Variants in ZNF718 observed in about 807,000 individuals in gnomAD.
ZNF718 encodes the protein zinc finger protein 718.
ZNF718 carries 3 observed loss-of-function variants against 2.6 expected under a neutral mutation model. That is an observed-to-expected ratio of 1.16 (90% CI 0.53 to 3.01). The LOEUF (loss-of-function observed/expected upper bound fraction) is 3.01, where lower values mean the gene tolerates loss of function less well. Ranked by LOEUF, ZNF718 falls within the 30% of genes most tolerant of loss-of-function variation. The pLI, the probability that ZNF718 is intolerant of heterozygous loss-of-function variation, is 0.03. For missense variants in ZNF718, 468 were observed against 230.0 expected (o/e 2.03, Z -6.69); for synonymous variants, 135 against 77.9 (o/e 1.73, Z -3.86).
rs1385457362 is a variant in ZNF718 at position 164,123 on chromosome 4, T to C, written c.*2001T>C. 1 of 152,082 alleles carries C rather than the reference T, an allele frequency of 6.6e-6. No individual in the cohort carries two copies. Among genetic ancestry groups the C allele is most frequent in the Non-Finnish European group, 1.5e-5 (1 of 67,962 alleles). The allele number at this position is 152,082 out of a possible 1,614,324, so 9.4% of individuals were successfully genotyped here. ...TCAGAATATAATTATAATTTAGACA[T>C]TTCTGTGTCCTGAATAAATATGTTT... On this transcript the variant is annotated 3_prime_UTR_variant, in exon 4 of 4. Coordinates refer to ENST00000510175, the MANE Select transcript of ZNF718 (RefSeq NM_001039127.6).
At chr4:176,662 T>C (rs1717351774) in intron 3 of ZNF718, among the ~76,000 whole-genome samples, 1 of 152,210 alleles carries the variant, frequency 6.6e-6, no homozygotes, top group African/African-American at 2.4e-5. Flanking sequence ...ATCACTCTTC[T>C]TGCAGTCAAT....
At chr4:158,812 C>T (rs1290018097) in intron 3 of ZNF718, among the ~76,000 whole-genome samples, 1 of 150,546 alleles carries the variant, frequency 6.6e-6, no homozygotes, top group Non-Finnish European at 1.5e-5. Flanking sequence ...GCATATCTTT[C>T]CTAGAAAATT....
chr4:156,045 G>A (rs782366110), intron 3 of ZNF718, among the ~76,000 whole-genome samples: 1 of 152,104 alleles, frequency 6.6e-6, no homozygotes, highest in Non-Finnish European at 1.5e-5. Flanking sequence ...CTACCACCAT[G>A]TAAGATGTGC....
At chr4:171,940 C>T (rs1468669797) in intron 3 of ZNF718, among the ~76,000 whole-genome samples, 1 of 152,222 alleles carries the variant, frequency 6.6e-6, no homozygotes, top group East Asian at 1.9e-4. Context: ...GTCGCTCACG[C>T]TGGGAGCTGT....
At chr4:152,187 A>G (rs1553812676) in intron 3 of ZNF718, among the ~76,000 whole-genome samples, 2 of 146,438 alleles carry the variant, frequency 1.4e-5, no homozygotes, top group Non-Finnish European at 3.0e-5. Flanking sequence ...ATACCGAGAC[A>G]TTCCATTGCC....
rs1553807597 is a variant in ZNF718 at position 124,652 on chromosome 4, A to G, written c.-19A>G. 6.2e-7 allele frequency: 1 copy of G among 1,608,126 alleles called. No individual in the cohort carries two copies. Among genetic ancestry groups the G allele is most frequent in the Admixed American group, 1.7e-5 (1 of 59,986 alleles). ...GATGATTCGTATCTAAGACTCTGGG[A>G]CACTCCTGAAGTCGGGAAATGGTGA... On this transcript the variant is annotated 5_prime_UTR_variant, in exon 1 of 4. Coordinates refer to ENST00000510175, the MANE Select transcript of ZNF718 (RefSeq NM_001039127.6).
chr4:155,949 C>G (rs1716549270), intron 3 of ZNF718, among the ~76,000 whole-genome samples: 2 of 152,230 alleles, frequency 1.3e-5, no homozygotes, highest in Admixed American at 1.3e-4. Flanking sequence ...TTTTCCCATA[C>G]TGTTTTTACA....
At chr4:157,146 C>T (rs1553813844) in intron 3 of ZNF718, among the ~76,000 whole-genome samples, 1 of 113,012 alleles carries the variant, frequency 8.8e-6, no homozygotes, top group East Asian at 2.6e-4. Context: ...CAGTTCCACA[C>T]TTGTTGCCCA....
At chr4:135,328 A>G (rs1715514149) in intron 3 of ZNF718, among the ~76,000 whole-genome samples, 9 of 151,960 alleles carry the variant, frequency 5.9e-5, no homozygotes, top group Non-Finnish European at 1.5e-5. Context: ...CGTGTGCCCA[A>G]GGTGGTTTGG....
In ZNF718 at chr4:161,421, AAG is replaced by A. The variant is rs1392771324; in HGVS notation, c.740_741del (p.Arg247AsnfsTer11). On this transcript the variant is annotated frameshift_variant, in exon 4 of 4. Transcript: ENST00000510175. LOFTEE classifies it low-confidence loss of function (END_TRUNC). ...TCGGTCCTCACACCTTACTAAACAT[AAG>A]AGAATTCATACTGGAGAGAAACCCT... ...FTRSSHLTKH[K>X]RIHTGEKPYI... 4 of 780,486 alleles carry A rather than the reference AAG, an allele frequency of 5.1e-6. No individual in the cohort carries two copies. The highest frequency in any genetic ancestry group is 5.1e-5 in the African/African-American group (3 of 59,126). The allele number at this position is 780,486 out of a possible 1,614,324, so 48.3% of individuals were successfully genotyped here.
chr4:180,136 C>G (rs1717435079), intron 3 of ZNF718, among the ~76,000 whole-genome samples: 1 of 152,192 alleles, frequency 6.6e-6, no homozygotes, highest in Admixed American at 6.5e-5. Context: ...CCAGCAGGGC[C>G]TCCTGGGAGA....
At chr4:144,135 T>A (rs1715938355) in intron 3 of ZNF718, among the ~76,000 whole-genome samples, 1 of 152,212 alleles carries the variant, frequency 6.6e-6, no homozygotes, top group South Asian at 2.1e-4. Flanking sequence ...TAGGTGGTAT[T>A]TAAGCTCCCA....
intron 4 of ZNF718, chr4:201,621 CCT>C (rs1553822797): frequency 1.2e-5 from 2 of 163,468 alleles, no homozygotes; most frequent in Non-Finnish European, 1.4e-5. Context: ...TAACTGTTCT[CCT>C]CTCTCTAGAA....
chr4:199,350 A>G (rs538995087), intron 3 of ZNF718, among the ~76,000 whole-genome samples: 3 of 152,152 alleles, frequency 2.0e-5, no homozygotes, highest in Admixed American at 1.3e-4. Context: ...TCTGTGCAGC[A>G]TGTGAATGAC....
chr4:159,582 T>C (rs1553814471), intron 3 of ZNF718, among the ~76,000 whole-genome samples: 1 of 152,148 alleles, frequency 6.6e-6, no homozygotes, highest in African/African-American at 2.4e-5. Flanking sequence ...AGTTTTTACA[T>C]CCTTTTTTTA....
chr4:189,041 A>G (rs1165860178), intron 3 of ZNF718, among the ~76,000 whole-genome samples: 1 of 150,750 alleles, frequency 6.6e-6, no homozygotes, highest in Non-Finnish European at 1.5e-5. Context: ...TTTGAAATTT[A>G]CATTGAATCT....
downstream of ZNF718, among the ~76,000 whole-genome samples, chr4:166,069 C>A (rs895221127): frequency 2.6e-5 from 4 of 152,124 alleles, no homozygotes; most frequent in African/African-American, 9.7e-5. Context: ...TCTCACTGTT[C>A]AATTCCCACC....
chr4:154,808 A>C (rs182928251), intron 3 of ZNF718, among the ~76,000 whole-genome samples: 39 of 152,340 alleles, frequency 2.6e-4, no homozygotes, highest in African/African-American at 9.1e-4. Flanking sequence ...AGAAATTCGC[A>C]TAAGTAATGA....
At position 124,531 on chromosome 4, in the gene ZNF718, G is replaced by C. The variant is rs928825180; in HGVS notation, c.-140G>C. 1.6e-5 allele frequency: 19 copies of C among 1,214,362 alleles called. No homozygotes were observed. In the African/African-American group the frequency reaches 2.5e-4, roughly 16 times the overall value. 75.2% of individuals were successfully genotyped at this position (1,214,362 alleles called of 1,614,324 possible). A position where few individuals can be genotyped will look rare whatever the true frequency, so the allele number is the denominator to read the frequency against. ...TTGCTTGTAGCTCCAGCCAGAGCTC[G>C]GTTAGGGCCTCATCGCTCTGCTCCC... On this transcript the variant is annotated 5_prime_UTR_variant, in exon 1 of 4. Transcript: ENST00000510175.
Sources: allele counts gnomAD v4.1 joint callset (sites outside exome capture counted in the v4.1 genomes callset), GRCh38; gene constraint gnomAD v4.1.1; transcripts MANE v1.5; gene names NCBI Gene and HGNC (gene_info 2026-07-23, HGNC 2026-07-21).